Variants in NPAS3 observed in about 807,000 individuals in gnomAD.
NPAS3 encodes neuronal PAS domain-containing protein 3.
Under a neutral mutation model 73.1 loss-of-function variants are expected in NPAS3, and 14 were observed. The ratio of observed to expected loss-of-function variants is 0.19; its 90% CI spans 0.13 to 0.30. The LOEUF (loss-of-function observed/expected upper bound fraction) is 0.30, where lower values mean the gene tolerates loss of function less well. NPAS3 is among the 10% of genes least tolerant of loss of function. The pLI, the probability that NPAS3 is intolerant of heterozygous loss-of-function variation, is 1.00. For synonymous variants in NPAS3, 620 were observed against 541.5 expected (o/e 1.14, Z -2.01); for missense variants, 1,096 against 1,250.0 (o/e 0.88, Z 1.86).
chr14:33,659,391 C>A (rs1351295191), intron 5 of NPAS3, among the ~76,000 whole-genome samples: 2 of 152,232 alleles, frequency 1.3e-5, no homozygotes, highest in East Asian at 3.9e-4. Flanking sequence ...CATGTAAGAG[C>A]GTTAGAAAAT....
At chr14:33,469,954 G>T (rs1176866996) in intron 4 of NPAS3, among the ~76,000 whole-genome samples, 1 of 152,092 alleles carries the variant, frequency 6.6e-6, no homozygotes, top group Non-Finnish European at 1.5e-5. Context: ...TGGCATCAGG[G>T]GGCCAGCTCA....
In NPAS3 at chr14:33,785,027, G is replaced by A. The variant is rs182981517; in HGVS notation, c.1153+6455G>A. On this transcript the variant is annotated intron_variant, in intron 9 of 11. Transcript: ENST00000356141. ...GGCCTCCCAACGGGCTGGGATTACA[G>A]GCATGAGCCACTGCGCCCAGCCTAG... Among the ~76,000 whole-genome samples the A allele has an allele frequency of 3.5e-3, 535 of 151,770 alleles. 3 individuals are homozygous for A. The highest frequency in any genetic ancestry group is 0.012 in the African/African-American group (516 of 41,420).
chr14:33,461,332 T>C (rs1406285971), intron 4 of NPAS3, among the ~76,000 whole-genome samples: 1 of 152,204 alleles, frequency 6.6e-6, no homozygotes, highest in Non-Finnish European at 1.5e-5. Flanking sequence ...TTGCATAAAA[T>C]GATTCCTGTC....
intron 3 of NPAS3, among the ~76,000 whole-genome samples, chr14:33,257,092 C>T (rs1203929045): frequency 1.3e-5 from 2 of 152,322 alleles, no homozygotes; most frequent in Non-Finnish European, 2.9e-5. Context: ...CTGGGCGCCA[C>T]TCCCAGACAT....
At chr14:32,947,475 A>G (rs1056553436) in intron 1 of NPAS3, among the ~76,000 whole-genome samples, 3 of 152,288 alleles carry the variant, frequency 2.0e-5, no homozygotes, top group East Asian at 1.9e-4. Context: ...TAATTTATTC[A>G]TCAGAATCCA....
At chr14:33,632,970 A>G (rs573954793) in intron 5 of NPAS3, among the ~76,000 whole-genome samples, 1 of 152,330 alleles carries the variant, frequency 6.6e-6, no homozygotes, top group East Asian at 1.9e-4. Context: ...CTGTATCAGC[A>G]GGTTCTGCAT....
intron 4 of NPAS3, among the ~76,000 whole-genome samples, chr14:33,389,397 A>C (rs2046905295): frequency 6.6e-6 from 1 of 152,202 alleles, no homozygotes; most frequent in South Asian, 2.1e-4. Context: ...CACAATCAGG[A>C]TAATTCACTA....
intron 4 of NPAS3, among the ~76,000 whole-genome samples, chr14:33,398,060 C>T (rs2047298181): frequency 6.6e-6 from 1 of 152,120 alleles, no homozygotes; most frequent in South Asian, 2.1e-4. Flanking sequence ...GGGAAACATT[C>T]TTCTCCTTTC....
chr14:33,488,424 T>G (rs913668787), intron 4 of NPAS3, among the ~76,000 whole-genome samples: 4 of 152,058 alleles, frequency 2.6e-5, no homozygotes, highest in Non-Finnish European at 5.9e-5. Flanking sequence ...AGACTCCAAG[T>G]CTTCAGTTCT....
intron 4 of NPAS3, among the ~76,000 whole-genome samples, chr14:33,464,342 C>A (rs558818254): frequency 6.6e-6 from 1 of 152,042 alleles, no homozygotes; most frequent in Non-Finnish European, 1.5e-5. Flanking sequence ...AATGAATCGG[C>A]GTTAACTCAT....
chr14:33,784,380 A>G (rs1566537946), intron 9 of NPAS3, among the ~76,000 whole-genome samples: 1 of 152,256 alleles, frequency 6.6e-6, no homozygotes, highest in Non-Finnish European at 1.5e-5. Context: ...AATTCTGAAT[A>G]GCTAGTATGA....
chr14:33,097,146 T>C (rs550020248), intron 2 of NPAS3, among the ~76,000 whole-genome samples: 262 of 152,056 alleles, frequency 1.7e-3, no homozygotes, highest in African/African-American at 6.1e-3. Context: ...GAGAGGCCAA[T>C]GCAGGAGGAT....
intron 6 of NPAS3, among the ~76,000 whole-genome samples, chr14:33,713,184 T>C (rs76738634): frequency 4.2e-4 from 64 of 152,338 alleles, no homozygotes; most frequent in African/African-American, 1.5e-3. Flanking sequence ...ATCAACTCAA[T>C]TGATTTACAA....
At chr14:33,376,163 C>T (rs1228146433) in intron 4 of NPAS3, among the ~76,000 whole-genome samples, 11 of 152,068 alleles carry the variant, frequency 7.2e-5, no homozygotes, top group Non-Finnish European at 1.6e-4. Flanking sequence ...CTATATTGTA[C>T]TGCCTTTGGA....
chr14:32,938,496 A>AGAGAAATT (rs1566779382), upstream of NPAS3, among the ~76,000 whole-genome samples: 1 of 105,998 alleles, frequency 9.4e-6, no homozygotes, highest in Non-Finnish European at 2.0e-5. Flanking sequence ...TGAGAGAGAG[A>AGAGAAATT]GAGAGAGAGA....
At chr14:33,511,507 T>A (rs1475156473) in intron 4 of NPAS3, among the ~76,000 whole-genome samples, 1 of 152,112 alleles carries the variant, frequency 6.6e-6, no homozygotes, top group Non-Finnish European at 1.5e-5. Context: ...AAAATTACCT[T>A]TATTTCAAAA....
In NPAS3 at chr14:33,800,907, C is replaced by T. The variant is rs768365882; in HGVS notation, c.2600C>T (p.Thr867Met). ...CCCGGCTTTGGCCTCGACCCCAAGACGCCCATGGAGATGCTCTACCACCAC... is the reference window on the plus strand; with the variant it reads ...CCCGGCTTTGGCCTCGACCCCAAGATGCCCATGGAGATGCTCTACCACCAC... The change falls in exon 12 of 12, where the codon ACG becomes ATG. Residue 867 changes from threonine to methionine, a missense_variant. By Grantham distance (81) the Thr-to-Met change is moderately conservative. This residue lies in a region of NPAS3 where 698 missense variants were observed against 676.7 expected (regional missense o/e 1.03). Coordinates refer to ENST00000356141, the Ensembl canonical transcript of NPAS3. The surrounding 1 kb of genome is among the most constrained non-coding windows in gnomAD (Gnocchi z 6.5). 7.8e-5 allele frequency: 126 copies of T among 1,608,396 alleles called. No homozygotes were observed. Among genetic ancestry groups the T allele is most frequent in the Middle Eastern group, 1.6e-4 (1 of 6,080 alleles).
chr14:33,119,827 C>T (rs552880336), intron 2 of NPAS3, among the ~76,000 whole-genome samples: 19 of 152,200 alleles, frequency 1.2e-4, no homozygotes, highest in African/African-American at 2.2e-4. Context: ...GTCATCCTTA[C>T]GGATGGTTCT....
intron 1 of NPAS3, among the ~76,000 whole-genome samples, chr14:32,991,299 T>A (rs2038323833): frequency 6.6e-6 from 1 of 152,138 alleles, no homozygotes; most frequent in African/African-American, 2.4e-5. Flanking sequence ...AATCTGGACA[T>A]GAAGGGTAAT....
Sources: allele counts gnomAD v4.1 joint callset (sites outside exome capture counted in the v4.1 genomes callset), GRCh38; gene constraint gnomAD v4.1.1; regional missense constraint gnomAD v4.1.1; non-coding constraint Gnocchi (gnomAD v3.1); transcripts MANE v1.5; gene names NCBI Gene and HGNC (gene_info 2026-07-23, HGNC 2026-07-21).